Variants in DPP6 observed in about 807,000 individuals in gnomAD.
DPP6 encodes dipeptidyl peptidase like 6.
Under a neutral mutation model 122.6 loss-of-function variants are expected in DPP6, and 69 were observed. The ratio of observed to expected loss-of-function variants is 0.56; its 90% CI spans 0.46 to 0.69. DPP6 has a LOEUF of 0.69. DPP6 is among the 30% of genes least tolerant of loss of function. The pLI, the probability that DPP6 is intolerant of heterozygous loss-of-function variation, is 0.00. For synonymous variants in DPP6, 418 were observed against 433.1 expected, an observed-to-expected ratio of 0.97 and a Z score of 0.43; for missense variants, 928 against 1,116.9, an observed-to-expected ratio of 0.83 and a Z score of 2.41.
Position 154,811,758 on chromosome 7 carries a change from A to C in DPP6, c.1666+4646A>C, listed in dbSNP as rs569761458. Among the ~76,000 whole-genome samples, 13 of 152,312 alleles carry C rather than the reference A, an allele frequency of 8.5e-5. 1 individual carries two copies. The South Asian group carries it at 2.7e-3, about 32-fold the overall frequency. On this transcript the variant is annotated intron_variant, in intron 16 of 25. Coordinates refer to ENST00000377770, the MANE Select transcript of DPP6 (RefSeq NM_130797.4). ...TGTAGTCTAGAGCAACGTTTAGTCA[A>C]TGCTCATGTCCTGTCCTGTTTCCTT...
chr7:154,007,946 C>A (rs1195090335), intron 1 of DPP6, among the ~76,000 whole-genome samples: 1 of 152,210 alleles, frequency 6.6e-6, no homozygotes, highest in Non-Finnish European at 1.5e-5. Context: ...TGAACTGAGG[C>A]ATACCATGCC....
intron 17 of DPP6, among the ~76,000 whole-genome samples, chr7:154,865,814 G>C (rs1248639068): frequency 6.6e-6 from 1 of 152,100 alleles, no homozygotes; most frequent in Admixed American, 6.5e-5. Flanking sequence ...ATGGGAACAA[G>C]GAGAAAGACT....
At chr7:154,060,053 C>G (rs1480239665) in intron 1 of DPP6, among the ~76,000 whole-genome samples, 2 of 136,000 alleles carry the variant, frequency 1.5e-5, no homozygotes, top group South Asian at 2.3e-4. Flanking sequence ...TCAGAGCCAA[C>G]CCCTCTTCCC....
At chr7:154,412,270 G>T (rs1189616772) in intron 1 of DPP6, among the ~76,000 whole-genome samples, 5 of 152,168 alleles carry the variant, frequency 3.3e-5, no homozygotes, top group Non-Finnish European at 7.3e-5. Flanking sequence ...ACAGAATACA[G>T]TTCAGGGGCT....
chr7:154,573,457 C>T (rs1795045873), intron 5 of DPP6, among the ~76,000 whole-genome samples: 1 of 152,222 alleles, frequency 6.6e-6, no homozygotes, highest in African/African-American at 2.4e-5. Flanking sequence ...CTGTCCACCA[C>T]CCACTGAGAC....
chr7:153,808,332 C>G, the DPP6 span, among the ~76,000 whole-genome samples: 1 of 146,236 alleles, frequency 6.8e-6, no homozygotes, highest in Admixed American at 6.8e-5. Flanking sequence ...TGTCTGTGTG[C>G]ATATGTGTTT....
chr7:154,224,922 T>A lies in DPP6; in HGVS notation c.243+171859T>A, dbSNP rs184065275. ...CTTTGGGAGGCAGAGGCGGGCAGAT[T>A]ACTTGAGGCCAGGAGTTTGAGACCA... is the stretch of plus-strand genomic sequence containing the variant. On this transcript the variant is annotated intron_variant, in intron 1 of 25. Transcript: ENST00000377770. Among the ~76,000 whole-genome samples the A allele has an allele frequency of 2.8e-3, 425 of 152,116 alleles. 1 individual carries two copies. Among genetic ancestry groups the A allele is most frequent in the African/African-American group, 9.9e-3 (410 of 41,462 alleles).
chr7:154,816,950 G>C (rs1480507385), intron 16 of DPP6, among the ~76,000 whole-genome samples: 1 of 152,176 alleles, frequency 6.6e-6, no homozygotes, highest in Non-Finnish European at 1.5e-5. Flanking sequence ...CTCACAGTTG[G>C]TTCCTGGCAG....
At chr7:154,229,403 C>T (rs1306422823) in intron 1 of DPP6, among the ~76,000 whole-genome samples, 3 of 152,202 alleles carry the variant, frequency 2.0e-5, no homozygotes, top group East Asian at 3.9e-4. Flanking sequence ...AGGGTTTTGG[C>T]ACCCATTGAG....
At chr7:154,262,474 G>C (rs370168745) in intron 1 of DPP6, among the ~76,000 whole-genome samples, 1 of 152,200 alleles carries the variant, frequency 6.6e-6, no homozygotes, top group South Asian at 2.1e-4. Flanking sequence ...AGAAGGTGCC[G>C]TCTGCAAGCC....
the DPP6 span, among the ~76,000 whole-genome samples, chr7:153,823,682 G>A: frequency 6.6e-6 from 1 of 151,600 alleles, no homozygotes; most frequent in Non-Finnish European, 1.5e-5. Context: ...GGTTGTCTGG[G>A]AGAGCTGGGA....
intron 1 of DPP6, among the ~76,000 whole-genome samples, chr7:153,958,766 T>G (rs1197476761): frequency 2.0e-5 from 3 of 152,086 alleles, no homozygotes; most frequent in Non-Finnish European, 4.4e-5. Flanking sequence ...GAAAGCCCAT[T>G]GCTATTTCTC....
chr7:154,839,934 G>A (rs1456195074), intron 16 of DPP6, among the ~76,000 whole-genome samples: 1 of 152,174 alleles, frequency 6.6e-6, no homozygotes, highest in African/African-American at 2.4e-5. Context: ...CCCTCGGGCA[G>A]GAGAGTGGGG....
chr7:154,126,832 C>T (rs942464397), intron 1 of DPP6, among the ~76,000 whole-genome samples: 4 of 152,162 alleles, frequency 2.6e-5, no homozygotes, highest in Non-Finnish European at 5.9e-5. Context: ...GTTTGCCTTC[C>T]GAATATACTC....
chr7:154,831,418 A>C (rs1800619938), intron 16 of DPP6, among the ~76,000 whole-genome samples: 1 of 152,206 alleles, frequency 6.6e-6, no homozygotes, highest in Non-Finnish European at 1.5e-5. Context: ...AAAGGGGAAA[A>C]AAAACTCTTT....
chr7:154,098,802 C>T (rs1805525062), intron 1 of DPP6, among the ~76,000 whole-genome samples: 1 of 152,100 alleles, frequency 6.6e-6, no homozygotes, highest in African/African-American at 2.4e-5. Flanking sequence ...GATATATACT[C>T]CCTTAACCTT....
At chr7:154,543,908 C>T (rs1374840459) in intron 4 of DPP6, among the ~76,000 whole-genome samples, 3 of 148,948 alleles carry the variant, frequency 2.0e-5, no homozygotes, top group South Asian at 2.1e-4. Context: ...GCAAGAGAAA[C>T]GCTTGAACCT....
chr7:154,417,462 C>T lies in DPP6; in HGVS notation c.244-28752C>T, dbSNP rs544657424. Among the ~76,000 whole-genome samples, 4 of 152,274 alleles carry T rather than the reference C, an allele frequency of 2.6e-5. No homozygotes were observed. The South Asian group carries it at 6.2e-4, about 24-fold the overall frequency. ...TCCTATCTGTAGCTCAGGCCATTCC[C>T]GTAAGCCCCAGCCTGTGAAGGCTCC... On this transcript the variant is annotated intron_variant, in intron 1 of 25. Transcript: ENST00000377770.
At chr7:154,737,935 G>T (rs1039804512) in intron 8 of DPP6, among the ~76,000 whole-genome samples, 2 of 152,186 alleles carry the variant, frequency 1.3e-5, no homozygotes, top group African/African-American at 4.8e-5. Flanking sequence ...TAAAACTTCA[G>T]GCACCTTTCT....
Sources: allele counts gnomAD v4.1 joint callset (sites outside exome capture counted in the v4.1 genomes callset), GRCh38; gene constraint gnomAD v4.1.1; transcripts MANE v1.5; gene names NCBI Gene and HGNC (gene_info 2026-07-23, HGNC 2026-07-21).